PPM1H: variants seen among roughly 807,000 people sequenced by gnomAD.
The protein encoded by PPM1H is protein phosphatase, Mg2+/Mn2+ dependent 1H, also known as protein phosphatase 1H.
A neutral mutation model predicts 54.9 loss-of-function variants in PPM1H; 27 were observed. The ratio of observed to expected loss-of-function variants is 0.49; its 90% CI spans 0.36 to 0.68. The LOEUF is 0.68. PPM1H is among the 30% of genes least tolerant of loss of function. The probability of loss-of-function intolerance (pLI) is 0.00; values close to 1 mark genes in which losing one functional copy is unlikely to be tolerated. For synonymous variants in PPM1H, 305 were observed against 270.8 expected, an observed-to-expected ratio of 1.13 and a Z score of -1.24; for missense variants, 596 against 667.8, an observed-to-expected ratio of 0.89 and a Z score of 1.19.
In PPM1H at chr12:62,794,324, A is replaced by T. The variant is rs535026860; in HGVS notation, c.757-5986T>A. Among the ~76,000 whole-genome samples the T allele has an allele frequency of 1.0e-3, 154 of 152,336 alleles. 1 individual carries two copies. The highest frequency in any genetic ancestry group is 1.8e-3 in the Non-Finnish European group (122 of 68,034). ...TGGAAAACACTAATTTATTTATTAT[A>T]ATTAATCTATAAACACTAATTTATA... On this transcript the variant is annotated intron_variant, in intron 3 of 9. Coordinates refer to ENST00000228705, the MANE Select transcript of PPM1H (RefSeq NM_020700.2).
intron 5 of PPM1H, among the ~76,000 whole-genome samples, chr12:62,721,188 A>G (rs1338734134): frequency 6.6e-6 from 1 of 152,160 alleles, no homozygotes; most frequent in Non-Finnish European, 1.5e-5. Flanking sequence ...TCAGGTCCTC[A>G]GTGTATGGGT....
chr12:62,861,588 C>T (rs1257280968), intron 1 of PPM1H, among the ~76,000 whole-genome samples: 1 of 152,192 alleles, frequency 6.6e-6, no homozygotes, highest in African/African-American at 2.4e-5. Context: ...GTCTTATTCT[C>T]CATTTTACTC....
intron 4 of PPM1H, among the ~76,000 whole-genome samples, chr12:62,775,147 C>T (rs1382045189): frequency 6.6e-6 from 1 of 152,190 alleles, no homozygotes; most frequent in East Asian, 1.9e-4. Flanking sequence ...TGGATAGATA[C>T]ATTTGATGAA....
chr12:62,890,872 G>A (rs1870769929), intron 1 of PPM1H, among the ~76,000 whole-genome samples: 1 of 152,060 alleles, frequency 6.6e-6, no homozygotes. Flanking sequence ...CACTTTGGGA[G>A]GCCAAGGCAG....
intron 1 of PPM1H, among the ~76,000 whole-genome samples, chr12:62,849,807 T>C (rs886904864): frequency 1.3e-5 from 2 of 152,206 alleles, no homozygotes; most frequent in Non-Finnish European, 2.9e-5. Context: ...TTCCTTTTTA[T>C]GAATAAGTTA....
chr12:62,888,989 T>G (rs1870688255), intron 1 of PPM1H, among the ~76,000 whole-genome samples: 1 of 152,190 alleles, frequency 6.6e-6, no homozygotes, highest in African/African-American at 2.4e-5. Flanking sequence ...TGGTAAACTA[T>G]GCCCATGGTT....
chr12:62,657,699 C>T (rs967093259), intron 9 of PPM1H, among the ~76,000 whole-genome samples: 2 of 152,144 alleles, frequency 1.3e-5, no homozygotes. Flanking sequence ...GTTCAGCTAA[C>T]TCATGGAAAG....
chr12:62,728,070 T>C (rs193110875), intron 5 of PPM1H, among the ~76,000 whole-genome samples: 44 of 152,240 alleles, frequency 2.9e-4, no homozygotes, highest in African/African-American at 9.4e-4. Flanking sequence ...CAAGGAAACA[T>C]AACAGAATGC....
intron 9 of PPM1H, among the ~76,000 whole-genome samples, chr12:62,649,056 T>A (rs1311185908): frequency 6.6e-6 from 1 of 152,230 alleles, no homozygotes; most frequent in African/African-American, 2.4e-5. Flanking sequence ...TTTAGAGTTA[T>A]ATTGCTTTTG....
rs566725413 is a variant in PPM1H, at chr12:62,919,628, G to T, written c.245+14864C>A. ...ATTTAATGCTTATTTAATACAGCTT[G>T]CTGGACAAAATTTTTCACAAGGAAT... On this transcript the variant is annotated intron_variant, in intron 1 of 9. Transcript: ENST00000228705. Among the ~76,000 whole-genome samples, 29 of 152,176 alleles carry T rather than the reference G, an allele frequency of 1.9e-4. No homozygotes were observed. The East Asian group carries it at 4.3e-3, about 22-fold the overall frequency.
chr12:62,847,329 G>T (rs573994730), intron 1 of PPM1H, among the ~76,000 whole-genome samples: 15 of 152,194 alleles, frequency 9.9e-5, no homozygotes, highest in Admixed American at 2.6e-4. Context: ...CCCTTGAATG[G>T]CTGTCAATTG....
Position 62,646,587 on chromosome 12 carries a change from C to T in PPM1H, c.*1902G>A, listed in dbSNP as rs941170667. 5.3e-5 allele frequency: 8 copies of T among 152,274 alleles called. No individual in the cohort carries two copies. Among genetic ancestry groups the T allele is most frequent in the Non-Finnish European group, 1.0e-4 (7 of 68,068 alleles). The allele number at this position is 152,274 out of a possible 1,614,324, so 9.4% of individuals were successfully genotyped here. Reference sequence around the variant, plus strand: ...CTGCCACGAAGCAAAGCATTTTCCACAAACTTCTCTCCATAGAGATATCTG... The same window carrying T: ...CTGCCACGAAGCAAAGCATTTTCCATAAACTTCTCTCCATAGAGATATCTG... On this transcript the variant is annotated 3_prime_UTR_variant, in exon 10 of 10. Coordinates refer to ENST00000228705, the MANE Select transcript of PPM1H (RefSeq NM_020700.2).
intron 1 of PPM1H, among the ~76,000 whole-genome samples, chr12:62,884,121 C>T (rs935315250): frequency 2.0e-5 from 3 of 151,812 alleles, no homozygotes; most frequent in Non-Finnish European, 2.9e-5. Context: ...TGGTGACCCC[C>T]GTCCCTGGCA....
chr12:62,740,533 G>C (rs745413300), intron 4 of PPM1H, among the ~76,000 whole-genome samples: 6 of 152,152 alleles, frequency 3.9e-5, no homozygotes, highest in Non-Finnish European at 7.4e-5. Context: ...GGTTAGGTTA[G>C]ACCCCTATCC....
chr12:62,674,528 G>A (rs1292974848), intron 8 of PPM1H, among the ~76,000 whole-genome samples: 1 of 152,100 alleles, frequency 6.6e-6, no homozygotes, highest in Non-Finnish European at 1.5e-5. Flanking sequence ...CATTCCAGCA[G>A]GCCACCAAGA....
intron 5 of PPM1H, among the ~76,000 whole-genome samples, chr12:62,734,457 G>C (rs537292083): frequency 1.1e-4 from 17 of 152,274 alleles, no homozygotes; most frequent in Admixed American, 8.5e-4. Context: ...TCCCATTACT[G>C]TTGAAGAAAT....
chr12:62,838,361 T>G, intron 1 of PPM1H, among the ~76,000 whole-genome samples: 1 of 149,602 alleles, frequency 6.7e-6, no homozygotes, highest in East Asian at 2.0e-4. Context: ...ATGAATAACT[T>G]ATGGAAGACC....
intron 5 of PPM1H, among the ~76,000 whole-genome samples, chr12:62,721,269 T>C (rs535028756): frequency 6.6e-6 from 1 of 152,274 alleles, no homozygotes; most frequent in African/African-American, 2.4e-5. Flanking sequence ...CTCATGAAGG[T>C]CTGGAGGTAT....
At chr12:62,856,577 T>C (rs1169604702) in intron 1 of PPM1H, among the ~76,000 whole-genome samples, 1 of 152,216 alleles carries the variant, frequency 6.6e-6, no homozygotes, top group African/African-American at 2.4e-5. Flanking sequence ...GGATATTGAA[T>C]GTGCCCAATA....
Sources: gnomAD v4.1 joint callset for allele counts (sites outside exome capture counted in the v4.1 genomes callset) on GRCh38, gnomAD v4.1.1 for gene constraint, MANE v1.5 for transcripts, NCBI Gene and HGNC (gene_info 2026-07-23, HGNC 2026-07-21) for gene names.